Variants in FBXO16 observed in about 807,000 individuals in gnomAD.
FBXO16 encodes the protein F-box protein 16.
Under a neutral mutation model 41.0 loss-of-function variants are expected in FBXO16, and 31 were observed. The ratio of observed to expected loss-of-function variants is 0.76; its 90% confidence interval spans 0.57 to 1.02. The LOEUF is 1.02. FBXO16 is among the 50% of genes least tolerant of loss of function. The probability of loss-of-function intolerance (pLI) is 0.00; values close to 1 mark genes in which losing one functional copy is unlikely to be tolerated. For missense variants in FBXO16, 361 were observed against 346.2 expected (o/e 1.04, Z -0.34); for synonymous variants, 133 against 117.8 (o/e 1.13, Z -0.84).
chr8:28,459,396 T>C (rs1351271521), intron 4 of FBXO16, among the ~76,000 whole-genome samples: 1 of 151,946 alleles, frequency 6.6e-6, no homozygotes, highest in Non-Finnish European at 1.5e-5. Flanking sequence ...GGCGAGTGGA[T>C]CACCCGAGGC....
intron 3 of FBXO16, among the ~76,000 whole-genome samples, chr8:28,470,872 C>T (rs999805660): frequency 3.9e-5 from 6 of 152,132 alleles, no homozygotes; most frequent in Admixed American, 3.3e-4. Context: ...AAACAGTTTT[C>T]CTTGTTTCTC....
chr8:28,436,717 T>TAC (rs1183242937), intron 7 of FBXO16, among the ~76,000 whole-genome samples: 2 of 152,104 alleles, frequency 1.3e-5, no homozygotes, highest in African/African-American at 2.4e-5. Context: ...GAAACACACA[T>TAC]ACACACACAC....
intron 7 of FBXO16, among the ~76,000 whole-genome samples, chr8:28,440,743 G>T (rs1376554726): frequency 6.6e-6 from 1 of 152,178 alleles, no homozygotes; most frequent in Non-Finnish European, 1.5e-5. Context: ...GGGTAAGCAG[G>T]CAATTAAAGA....
At chr8:28,479,848 G>A (rs1349319166) in intron 2 of FBXO16, among the ~76,000 whole-genome samples, 1 of 151,474 alleles carries the variant, frequency 6.6e-6, no homozygotes, top group Admixed American at 6.6e-5. Flanking sequence ...AGCCTCCCAA[G>A]TAGCTGGGAC....
At chr8:28,432,202 A>G (rs1802617196) in intron 7 of FBXO16, among the ~76,000 whole-genome samples, 1 of 150,966 alleles carries the variant, frequency 6.6e-6, no homozygotes, top group African/African-American at 2.4e-5. Flanking sequence ...GGCCGGGTGC[A>G]GTGGCTCACG....
intron 1 of FBXO16, among the ~76,000 whole-genome samples, chr8:28,483,933 A>G (rs1426782608): frequency 6.6e-6 from 1 of 152,214 alleles, no homozygotes; most frequent in Non-Finnish European, 1.5e-5. Context: ...TTATATGTCA[A>G]GCACTTCATA....
intron 7 of FBXO16, among the ~76,000 whole-genome samples, chr8:28,433,675 A>G (rs1585888664): frequency 6.6e-6 from 1 of 152,214 alleles, no homozygotes; most frequent in African/African-American, 2.4e-5. Context: ...TTGTTCATTA[A>G]TGATAAACAT....
intron 5 of FBXO16, chr8:28,455,622 A>G (rs1430237761): frequency 6.6e-6 from 1 of 152,222 alleles, no homozygotes; most frequent in Non-Finnish European, 1.5e-5. Context: ...GCCCCTGAAC[A>G]GCCTGAGCTT....
In FBXO16 at chr8:28,428,537, T is replaced by G. The variant is rs1585884963; in HGVS notation, c.*190A>C. ...CCACTGTGCAAAGCATCTTGTCATT[T>G]CTATAATAAAAGTCTTTCCATGTTC... On this transcript the variant is annotated 3_prime_UTR_variant, in exon 9 of 9. Transcript: ENST00000380254. 3 of 1,539,408 alleles carry G rather than the reference T, an allele frequency of 1.9e-6. No homozygotes were observed. In the African/African-American group the frequency reaches 4.1e-5, roughly 21 times the overall value.
intron 7 of FBXO16, among the ~76,000 whole-genome samples, chr8:28,436,657 G>T (rs1802691619): frequency 6.6e-6 from 1 of 152,138 alleles, no homozygotes. Context: ...AAACACCTGT[G>T]TCTTAAAAAA....
intron 2 of FBXO16, 86 bp downstream of exon 2, chr8:28,483,262 C>T: frequency 8.3e-7 from 1 of 1,201,546 alleles, no homozygotes; most frequent in East Asian, 2.4e-5. Context: ...TAAATAATCC[C>T]TGTTCATATT....
chr8:28,486,508 G>A (rs547769554), intron 1 of FBXO16, among the ~76,000 whole-genome samples: 7 of 150,498 alleles, frequency 4.7e-5, no homozygotes, highest in African/African-American at 7.2e-5. Context: ...ACAGGCGTAA[G>A]CCACCGCCGC....
At chr8:28,441,557 G>A (rs975372817) in intron 7 of FBXO16, among the ~76,000 whole-genome samples, 3 of 151,980 alleles carry the variant, frequency 2.0e-5, no homozygotes, top group East Asian at 3.9e-4. Flanking sequence ...CCAACATGGC[G>A]AAATCCTGTC....
At chr8:28,466,948 A>T (rs887826157) in intron 3 of FBXO16, among the ~76,000 whole-genome samples, 1 of 149,640 alleles carries the variant, frequency 6.7e-6, no homozygotes, top group Non-Finnish European at 1.5e-5. Context: ...TTTTTATTTC[A>T]TTCTGTTTTT....
rs192662801 is a variant in FBXO16, at chr8:28,440,284, T to G, written c.843+6887A>C. Among the ~76,000 whole-genome samples, 920 of 152,132 alleles carry G rather than the reference T, an allele frequency of 6.0e-3. 13 individuals carry two copies. Among genetic ancestry groups the G allele is most frequent in the African/African-American group, 0.02 (845 of 41,494 alleles). On this transcript the variant is annotated intron_variant, in intron 7 of 8. Transcript: ENST00000380254. ...CACCTTGCTAATTATTTTATTTTTT[T>G]GCAGAGACAGGGTCTCACTATGTTG...
intron 1 of FBXO16, among the ~76,000 whole-genome samples, chr8:28,485,697 C>T (rs1803591084): frequency 6.6e-6 from 1 of 152,232 alleles, no homozygotes; most frequent in East Asian, 1.9e-4. Context: ...AGGTTCTTTT[C>T]AGCCTCAACA....
chr8:28,454,780 G>T (rs1803013402), intron 5 of FBXO16, among the ~76,000 whole-genome samples: 1 of 146,826 alleles, frequency 6.8e-6, no homozygotes, highest in African/African-American at 2.6e-5. Flanking sequence ...AGTACAAAAT[G>T]CTTACACTTT....
Position 28,452,252 on chromosome 8 carries a change from G to C in FBXO16, c.732C>G (p.Val244=). ...YLDNRDPMET[V]QQGRRKRNQM... is the part of the protein sequence containing the mutation. Reference sequence around the variant, plus strand: ...AGCATGGAGCTTCTTACCCTTGCTGGACAGTCTCCATGGGGTCACGGTTGT... The same window carrying C: ...AGCATGGAGCTTCTTACCCTTGCTGCACAGTCTCCATGGGGTCACGGTTGT... Residue 244 remains valine, a synonymous_variant, in exon 6 of 9, where the codon GTC becomes GTG. Transcript: ENST00000380254. 6.2e-7 allele frequency: 1 copy of C among 1,613,940 alleles called. No individual in the cohort carries two copies. Among genetic ancestry groups the C allele is most frequent in the Non-Finnish European group, 8.5e-7 (1 of 1,179,850 alleles).
intron 2 of FBXO16, among the ~76,000 whole-genome samples, chr8:28,482,497 G>A (rs1003901980): frequency 6.6e-6 from 1 of 152,128 alleles, no homozygotes; most frequent in African/African-American, 2.4e-5. Context: ...GCCGTCCACC[G>A]TGATCCTTTA....
Sources: gnomAD v4.1 joint callset for allele counts (sites outside exome capture counted in the v4.1 genomes callset) on GRCh38, gnomAD v4.1.1 for gene constraint, MANE v1.5 for transcripts, NCBI Gene and HGNC (gene_info 2026-07-23, HGNC 2026-07-21) for gene names.